The following TSPAN18 variants were observed in gnomAD, a reference collection of about 807,000 sequenced individuals.
TSPAN18 encodes the protein tetraspanin-18.
TSPAN18 carries 14 observed loss-of-function variants against 27.3 expected under a neutral mutation model. The ratio of observed to expected loss-of-function variants is 0.51; its 90% CI spans 0.34 to 0.80. The LOEUF is 0.80. Among genes scored for constraint, TSPAN18 ranks in the 30% least tolerant of loss-of-function variants. The probability of loss-of-function intolerance (pLI) is 0.01; values close to 1 mark genes in which losing one functional copy is unlikely to be tolerated. For missense variants in TSPAN18, 268 were observed against 323.9 expected, an observed-to-expected ratio of 0.83 and a Z score of 1.32; for synonymous variants, 143 against 136.5, an observed-to-expected ratio of 1.05 and a Z score of -0.33.
chr11:44,762,565 T>A (rs1312859353), intron 1 of TSPAN18, among the ~76,000 whole-genome samples: 1 of 152,158 alleles, frequency 6.6e-6, no homozygotes, highest in African/African-American at 2.4e-5. Context: ...AAATGAAAAA[T>A]TTATATATGT....
At chr11:44,838,274 T>A (rs1857302919) in intron 2 of TSPAN18, among the ~76,000 whole-genome samples, 1 of 152,148 alleles carries the variant, frequency 6.6e-6, no homozygotes, top group South Asian at 2.1e-4. Flanking sequence ...ATGTCTTACA[T>A]GGCAGCAGGC....
At chr11:44,740,618 A>T (rs78264153) in intron 1 of TSPAN18, among the ~76,000 whole-genome samples, 2 of 152,278 alleles carry the variant, frequency 1.3e-5, no homozygotes, top group African/African-American at 4.8e-5. Flanking sequence ...AAATGCAGAG[A>T]ATTAGCAAAG....
At chr11:44,810,633 A>AAACATAG (rs1856693575) in intron 2 of TSPAN18, among the ~76,000 whole-genome samples, 1 of 139,906 alleles carries the variant, frequency 7.1e-6, no homozygotes. Context: ...ACAGGGTCTC[A>AAACATAG]CTGTGCCACC....
intron 3 of TSPAN18, among the ~76,000 whole-genome samples, chr11:44,882,634 A>G (rs553210620): frequency 6.6e-5 from 10 of 151,810 alleles, no homozygotes; most frequent in African/African-American, 2.4e-4. Context: ...ACACAGAGAG[A>G]GAGCATGTGC....
At chr11:44,895,176 T>C (rs181262863) in intron 3 of TSPAN18, among the ~76,000 whole-genome samples, 183 of 152,282 alleles carry the variant, frequency 1.2e-3, no homozygotes, top group Non-Finnish European at 1.9e-3. Context: ...AGAATTTGGG[T>C]CTGTTTAGGG....
chr11:44,845,179 T>C (rs767498331), intron 2 of TSPAN18, among the ~76,000 whole-genome samples: 5 of 152,214 alleles, frequency 3.3e-5, no homozygotes, highest in African/African-American at 9.6e-5. Context: ...CAGTGGAATT[T>C]AGTCCTGCAT....
chr11:44,789,184 AGTGTTTGC>A (rs995310388), intron 2 of TSPAN18, among the ~76,000 whole-genome samples: 1 of 152,160 alleles, frequency 6.6e-6, no homozygotes, highest in African/African-American at 2.4e-5. Flanking sequence ...ACAGCTTACC[AGTGTTTGC>A]GTGACGCAGA....
chr11:44,893,286 C>CAGGGG (rs1858919238), intron 3 of TSPAN18, among the ~76,000 whole-genome samples: 1 of 152,198 alleles, frequency 6.6e-6, no homozygotes, highest in Admixed American at 6.5e-5. Flanking sequence ...CCGGCGGGGG[C>CAGGGG]AGGGGAGGCT....
At chr11:44,925,018 T>C (rs1000803657) in intron 8 of TSPAN18, among the ~76,000 whole-genome samples, 1 of 152,182 alleles carries the variant, frequency 6.6e-6, no homozygotes, top group African/African-American at 2.4e-5. Context: ...CACACTGATG[T>C]CCTGGCCTGG....
In TSPAN18 at chr11:44,887,601, A is replaced by C. The variant is rs1590631540; in HGVS notation, c.-10-18806A>C. Among the ~76,000 whole-genome samples the C allele has an allele frequency of 2.0e-5, 3 of 152,274 alleles. No individual in the cohort carries two copies. In the East Asian group the frequency reaches 5.8e-4, roughly 29 times the overall value. On this transcript the variant is annotated intron_variant, in intron 3 of 9. Transcript: ENST00000520358. ...AAGTAAGTTTCCTGTGTTCACCTGC[A>C]AAAGGGAAACTCTCCCTGGGGCCCG...
At chr11:44,795,103 C>G (rs1203397757) in intron 2 of TSPAN18, among the ~76,000 whole-genome samples, 1 of 142,198 alleles carries the variant, frequency 7.0e-6, no homozygotes, top group African/African-American at 2.6e-5. Context: ...CGGGGTCTTC[C>G]CATCATACCT....
chr11:44,778,314 C>T (rs757114030), intron 2 of TSPAN18, among the ~76,000 whole-genome samples: 6 of 151,998 alleles, frequency 3.9e-5, no homozygotes, highest in Non-Finnish European at 7.4e-5. Flanking sequence ...CTCATCTCCC[C>T]TTTCCTTGGG....
chr11:44,802,422 CAG>C (rs776581914), intron 2 of TSPAN18, among the ~76,000 whole-genome samples: 1 of 151,912 alleles, frequency 6.6e-6, no homozygotes, highest in Non-Finnish European at 1.5e-5. Flanking sequence ...GAGAAGCCTT[CAG>C]AGAGTTTTAA....
At chr11:44,846,410 G>C (rs1857482842) in intron 2 of TSPAN18, among the ~76,000 whole-genome samples, 1 of 152,234 alleles carries the variant, frequency 6.6e-6, no homozygotes, top group Admixed American at 6.5e-5. Flanking sequence ...TGCAGTGATG[G>C]GGGAGGGCGC....
At chr11:44,750,807 C>A (rs1304282509) in intron 1 of TSPAN18, among the ~76,000 whole-genome samples, 1 of 152,202 alleles carries the variant, frequency 6.6e-6, no homozygotes, top group Admixed American at 6.5e-5. Context: ...TGCAAGACAT[C>A]TGGGACATTG....
intron 5 of TSPAN18, among the ~76,000 whole-genome samples, chr11:44,916,345 A>G (rs989968036): frequency 1.3e-5 from 2 of 152,146 alleles, no homozygotes; most frequent in East Asian, 1.9e-4. Context: ...GGCACATTCC[A>G]GGAGAGAGAC....
chr11:44,890,642 G>A (rs1386861148), intron 3 of TSPAN18, among the ~76,000 whole-genome samples: 1 of 150,298 alleles, frequency 6.7e-6, no homozygotes, highest in Non-Finnish European at 1.5e-5. Flanking sequence ...AGAATGGCGT[G>A]AACCCAGGAG....
chr11:44,905,393 C>T (rs1215966206), intron 3 of TSPAN18, among the ~76,000 whole-genome samples: 1 of 152,168 alleles, frequency 6.6e-6, no homozygotes, highest in African/African-American at 2.4e-5. Context: ...TCAGGACTGG[C>T]TTGAGTTCTG....
intron 3 of TSPAN18, among the ~76,000 whole-genome samples, chr11:44,904,370 G>A (rs990226155): frequency 2.6e-5 from 4 of 152,228 alleles, no homozygotes; most frequent in Non-Finnish European, 5.9e-5. Context: ...AAAGCCCTCC[G>A]GCCCCAGGGC....
Sources: gnomAD v4.1 joint callset for allele counts (sites outside exome capture counted in the v4.1 genomes callset) on GRCh38, gnomAD v4.1.1 for gene constraint, MANE v1.5 for transcripts, NCBI Gene and HGNC (gene_info 2026-07-23, HGNC 2026-07-21) for gene names.